AKAP7: variants seen among roughly 807,000 people sequenced by gnomAD.
The protein encoded by AKAP7 is A-kinase anchoring protein 7.
A neutral mutation model predicts 39.5 loss-of-function variants in AKAP7; 39 were observed. The observed-to-expected ratio is 0.99, with a 90% CI of 0.76 to 1.29. The LOEUF (loss-of-function observed/expected upper bound fraction) is 1.29. Among genes scored for constraint, AKAP7 ranks in the 50% most tolerant of loss-of-function variants. AKAP7 has a pLI of 0.00. For synonymous variants in AKAP7, 140 were observed against 139.1 expected, an observed-to-expected ratio of 1.01 and a Z score of -0.05; for missense variants, 414 against 407.7, an observed-to-expected ratio of 1.02 and a Z score of -0.13.
At chr6:131,226,576 G>A (rs1054306150) in intron 7 of AKAP7, among the ~76,000 whole-genome samples, 1 of 152,186 alleles carries the variant, frequency 6.6e-6, no homozygotes, top group African/African-American at 2.4e-5. Flanking sequence ...CTACTTACTC[G>A]AGTTGGGTGA....
chr6:131,273,233 T>C (rs925567638), intron 7 of AKAP7, among the ~76,000 whole-genome samples: 3 of 152,200 alleles, frequency 2.0e-5, no homozygotes, highest in Non-Finnish European at 2.9e-5. Context: ...TGGATTTTTT[T>C]TGGTACACAT....
chr6:131,204,130 T>A (rs1416603601), intron 6 of AKAP7, among the ~76,000 whole-genome samples: 3 of 152,164 alleles, frequency 2.0e-5, no homozygotes, highest in Non-Finnish European at 2.9e-5. Context: ...CAACTGACAT[T>A]AAAAAAATGT....
intron 1 of AKAP7, among the ~76,000 whole-genome samples, chr6:131,140,896 G>T (rs182874516): frequency 6.6e-6 from 1 of 152,132 alleles, no homozygotes; most frequent in Non-Finnish European, 1.5e-5. Flanking sequence ...TAGAAAAGAG[G>T]CATTTAACTT....
the AKAP7 span, among the ~76,000 whole-genome samples, chr6:131,127,668 A>G: frequency 6.6e-6 from 1 of 152,268 alleles, no homozygotes; most frequent in Non-Finnish European, 1.5e-5. Context: ...TTTTCAGTAT[A>G]TATGACAAAG....
intron 5 of AKAP7, among the ~76,000 whole-genome samples, chr6:131,189,723 T>G (rs1806224628): frequency 6.6e-6 from 1 of 152,250 alleles, no homozygotes; most frequent in Non-Finnish European, 1.5e-5. Context: ...GTTTCTCTAT[T>G]AAATTGTTTA....
At chr6:131,169,380 A>G (rs1338619281) in intron 5 of AKAP7, 107 bp downstream of exon 5, 4 of 1,235,702 alleles carry the variant, frequency 3.2e-6, no homozygotes, top group Non-Finnish European at 4.7e-6. Context: ...ATGATGGACT[A>G]GACTCAAGTA....
rs1466864127 is a variant in AKAP7, at chr6:131,250,310, A to G, written c.850+30502A>G. 5.4e-6 allele frequency: 7 copies of G among 1,285,742 alleles called. No individual in the cohort carries two copies. In the East Asian group the frequency reaches 1.6e-4, roughly 30 times the overall value. The allele number at this position is 1,285,742 out of a possible 1,614,324, so 79.6% of individuals were successfully genotyped here. A position where few individuals can be genotyped will look rare whatever the true frequency, so the allele number is the denominator to read the frequency against. ...TGTGAGAATACGGGAGCGTATAGCC[A>G]CTTCCTTCACTGAATGCCAGTCCCA... is the stretch of plus-strand genomic sequence containing the variant. On this transcript the variant is annotated intron_variant, in intron 7 of 7. Coordinates refer to ENST00000431975, the MANE Select transcript of AKAP7 (RefSeq NM_016377.4).
chr6:131,280,264 A>G (rs1476292138), intron 7 of AKAP7, among the ~76,000 whole-genome samples: 1 of 152,128 alleles, frequency 6.6e-6, no homozygotes, highest in Non-Finnish European at 1.5e-5. Flanking sequence ...AAGGGTTCCC[A>G]CTATTAGTGT....
intron 2 of AKAP7, among the ~76,000 whole-genome samples, chr6:131,148,728 G>A (rs907219421): frequency 2.6e-5 from 4 of 152,230 alleles, no homozygotes; most frequent in South Asian, 2.1e-4. Flanking sequence ...TTATAGGAAT[G>A]TACAAAAACT....
At chr6:131,187,143 A>T (rs1051755554) in intron 5 of AKAP7, among the ~76,000 whole-genome samples, 6 of 152,210 alleles carry the variant, frequency 3.9e-5, no homozygotes, top group Admixed American at 1.3e-4. Flanking sequence ...GATTTTTTTT[A>T]AATTTCTGCA....
At chr6:131,197,907 A>G (rs1807108778) in intron 5 of AKAP7, among the ~76,000 whole-genome samples, 1 of 152,186 alleles carries the variant, frequency 6.6e-6, no homozygotes, top group Non-Finnish European at 1.5e-5. Flanking sequence ...AGCCCACACT[A>G]TTTATTGGTG....
intron 5 of AKAP7, among the ~76,000 whole-genome samples, chr6:131,193,610 G>C (rs1372991987): frequency 6.6e-6 from 1 of 151,988 alleles, no homozygotes; most frequent in African/African-American, 2.4e-5. Context: ...CTATTTTTTG[G>C]AGTAGTTTCA....
intron 7 of AKAP7, chr6:131,253,160 C>A (rs774121354): frequency 2.0e-6 from 3 of 1,513,874 alleles, no homozygotes; most frequent in South Asian, 2.3e-5. Context: ...CTGCTTTTGC[C>A]GTTTGGTGGT....
intron 4 of AKAP7, among the ~76,000 whole-genome samples, chr6:131,165,884 A>AGCTT (rs1469090716): frequency 6.6e-6 from 1 of 151,786 alleles, no homozygotes; most frequent in East Asian, 1.9e-4. Flanking sequence ...TTCCTCTGTT[A>AGCTT]CCTCCTATAT....
intron 1 of AKAP7, among the ~76,000 whole-genome samples, chr6:131,142,538 A>G (rs753676485): frequency 5.9e-5 from 9 of 152,266 alleles, no homozygotes; most frequent in Non-Finnish European, 1.3e-4. Flanking sequence ...GCTTCCACCT[A>G]GATTTCAGAT....
intron 7 of AKAP7, among the ~76,000 whole-genome samples, chr6:131,227,920 T>C (rs10484763): frequency 0.3 from 46,004 of 152,096 alleles, 7,249 homozygotes; most frequent in Middle Eastern, 0.39. Flanking sequence ...AAAGGCTTGT[T>C]GTGGTTCACC....
At chr6:131,159,306 G>T (rs1002561309) in intron 2 of AKAP7, among the ~76,000 whole-genome samples, 1 of 151,724 alleles carries the variant, frequency 6.6e-6, no homozygotes. Context: ...TGTTAGCCAG[G>T]ATGGTCTTGA....
intron 7 of AKAP7, among the ~76,000 whole-genome samples, chr6:131,274,154 AT>A (rs1189361394): frequency 1.3e-5 from 2 of 150,768 alleles, no homozygotes; most frequent in African/African-American, 4.9e-5. Flanking sequence ...CTGTTTTAAG[AT>A]TTTCTTTTAA....
chr6:131,210,298 T>C (rs768803666), intron 6 of AKAP7, among the ~76,000 whole-genome samples: 40 of 152,248 alleles, frequency 2.6e-4, no homozygotes, highest in Non-Finnish European at 1.0e-4. Context: ...TCTCTTTCAA[T>C]TGGTTACTCT....
Sources: gnomAD v4.1 joint callset for allele counts (sites outside exome capture counted in the v4.1 genomes callset) on GRCh38, gnomAD v4.1.1 for gene constraint, MANE v1.5 for transcripts, NCBI Gene and HGNC (gene_info 2026-07-23, HGNC 2026-07-21) for gene names.